Variants in POLB observed in about 807,000 individuals in gnomAD.
POLB encodes the protein DNA polymerase beta.
Under a neutral mutation model 52.7 loss-of-function variants are expected in POLB, and 37 were observed. The ratio of observed to expected loss-of-function variants is 0.70; its 90% confidence interval spans 0.54 to 0.92. POLB has a LOEUF of 0.92. Among genes scored for constraint, POLB ranks in the 40% least tolerant of loss-of-function variants. The pLI is 0.00. For missense variants in POLB, 313 were observed against 400.8 expected (o/e 0.78, Z 1.87); for synonymous variants, 138 against 131.3 (o/e 1.05, Z -0.35).
chr8:42,344,134 CAAAAAAAAA>C (rs34085444), intron 2 of POLB, among the ~76,000 whole-genome samples: 650 of 59,054 alleles, frequency 0.011, 5 homozygotes, highest in Middle Eastern at 0.037. Flanking sequence ...GACTCCGTCT[CAAAAAAAAA>C]AAAAAAAAAA....
chr8:42,365,573 A>AT (rs776920684), intron 11 of POLB, among the ~76,000 whole-genome samples: 10 of 152,204 alleles, frequency 6.6e-5, no homozygotes, highest in Non-Finnish European at 1.5e-4. Flanking sequence ...GTCTGGGCAT[A>AT]TTTTGGGGAC....
In POLB at chr8:42,339,049, C is replaced by G; in HGVS notation, c.99C>G (p.Ile33Met). ...ANFEKNVSQA[I>M]HKYNAYRKAA... The stretch of plus-strand genomic sequence containing the variant: ...TTGAGAAGAACGTGAGCCAAGCTAT[C>G]CACAAGTACAATGCTTACAGGTGGG... Residue 33 changes from isoleucine to methionine, a missense_variant, in exon 2 of 14, where the codon ATC (isoleucine) becomes ATG (methionine). Ile to Met is a conservative substitution (Grantham distance 10). Around this residue, in one of 3 missense-constraint regions of POLB, gnomAD observed 54 missense variants for 63.4 expected, o/e 0.85. Transcript: ENST00000265421. 1 of 1,613,704 alleles carries G rather than the reference C, an allele frequency of 6.2e-7. No homozygotes were observed. Among genetic ancestry groups the G allele is most frequent in the Non-Finnish European group, 8.5e-7 (1 of 1,179,574 alleles).
rs769906597 is a variant in POLB, at chr8:42,338,585, C to T, written c.-40C>T. 6.3e-7 allele frequency: 1 copy of T among 1,593,248 alleles called. No individual in the cohort carries two copies. On this transcript the variant is annotated 5_prime_UTR_variant, in exon 1 of 14. Coordinates refer to ENST00000265421, the MANE Select transcript of POLB (RefSeq NM_002690.3). ...TCAAGCTGGGAGAGGGCTCTAGTCC[C>T]TGGTTCTGAACACTCTGGGGTTCTC...
At chr8:42,363,056 G>A (rs535721497) in intron 11 of POLB, among the ~76,000 whole-genome samples, 26 of 151,584 alleles carry the variant, frequency 1.7e-4, no homozygotes, top group Non-Finnish European at 3.1e-4. Context: ...CCCAGGAGAC[G>A]GAGGTGCGGT....
At chr8:42,349,295 C>G (rs180889115) in intron 4 of POLB, 27 of 434,162 alleles carry the variant, frequency 6.2e-5, no homozygotes, top group African/African-American at 4.7e-4. Context: ...ACTATTAACA[C>G]CCGTAATAGA....
In POLB at chr8:42,349,181, C is replaced by T. The variant is rs561638227; in HGVS notation, c.261+91C>T. ...ATTGCAGGGTGACCAATGTCATTCACTGTAGTGAGACTCACAGGAAATGAG... is the reference window on the plus strand; with the variant it reads ...ATTGCAGGGTGACCAATGTCATTCATTGTAGTGAGACTCACAGGAAATGAG... On this transcript the variant is annotated intron_variant, in intron 4 of 13. Transcript: ENST00000265421. 2.6e-5 allele frequency: 18 copies of T among 693,012 alleles called. No individual in the cohort carries two copies. In the South Asian group the frequency reaches 3.0e-4, roughly 12 times the overall value. The allele number at this position is 693,012 out of a possible 1,614,324, so 42.9% of individuals were successfully genotyped here.
intron 4 of POLB, 66 bp from the exon 5 acceptor site, chr8:42,349,941 C>T: frequency 9.2e-7 from 1 of 1,084,094 alleles, no homozygotes; most frequent in Non-Finnish European, 1.4e-6. Flanking sequence ...TGGTATGTTT[C>T]CAATAAGATC....
intron 3 of POLB, 143 bp from the exon 4 acceptor site, chr8:42,348,873 G>T: frequency 4.0e-6 from 2 of 499,216 alleles, no homozygotes; most frequent in Non-Finnish European, 7.2e-6. Context: ...ATTTTCACTG[G>T]GGTTCAATTT....
intron 9 of POLB, among the ~76,000 whole-genome samples, chr8:42,359,181 C>T (rs185272314): frequency 2.6e-4 from 40 of 152,224 alleles, no homozygotes; most frequent in Admixed American, 2.4e-3. Context: ...CCTATGGATT[C>T]TTGTAACGTT....
At chr8:42,350,995 C>T (rs1822947305) in intron 5 of POLB, among the ~76,000 whole-genome samples, 1 of 151,938 alleles carries the variant, frequency 6.6e-6, no homozygotes, top group Non-Finnish European at 1.5e-5. Flanking sequence ...CTTAGTACTC[C>T]TTTTGAGTAG....
At chr8:42,368,786 T>C (rs979724165) in intron 11 of POLB, 6 of 152,222 alleles carry the variant, frequency 3.9e-5, no homozygotes, top group African/African-American at 1.4e-4. Flanking sequence ...CTACCTATCA[T>C]TTTAAATTTT....
chr8:42,342,343 G>A, intron 2 of POLB: 1 of 1,509,662 alleles, frequency 6.6e-7, no homozygotes, highest in Non-Finnish European at 9.1e-7. Flanking sequence ...AGTACAATAT[G>A]TTGCAGCATA....
In POLB at chr8:42,346,549, TA is replaced by T. The variant is rs576364073; in HGVS notation, c.186+1531del. ...ACAGGCATGCTCCATCACACTCAGA[TA>T]TTTTTTTTTTAATTTATTTCTTTTG... On this transcript the variant is annotated intron_variant, in intron 3 of 13. Transcript: ENST00000265421. Among the ~76,000 whole-genome samples, 110 of 151,652 alleles carry T rather than the reference TA, an allele frequency of 7.3e-4. No individual in the cohort carries two copies. In the South Asian group the frequency reaches 0.011, roughly 15 times the overall value.
chr8:42,367,056 T>C (rs770800736), intron 11 of POLB, among the ~76,000 whole-genome samples: 16 of 152,082 alleles, frequency 1.1e-4, no homozygotes, highest in Non-Finnish European at 1.2e-4. Flanking sequence ...GATGGTGCCA[T>C]GAAAGGAGAA....
intron 2 of POLB, among the ~76,000 whole-genome samples, chr8:42,343,196 C>T (rs1391001181): frequency 6.6e-6 from 1 of 151,024 alleles, no homozygotes; most frequent in African/African-American, 2.4e-5. Context: ...GTGGCGGGTG[C>T]CTGTAGTCCC....
chr8:42,371,079 C>T (rs1316196269), intron 13 of POLB, among the ~76,000 whole-genome samples: 3 of 152,142 alleles, frequency 2.0e-5, no homozygotes, highest in Non-Finnish European at 4.4e-5. Flanking sequence ...TGATGACTCA[C>T]GAGATGAAGC....
At chr8:42,351,326 G>A (rs1563396490) in intron 5 of POLB, among the ~76,000 whole-genome samples, 1 of 152,114 alleles carries the variant, frequency 6.6e-6, no homozygotes. Context: ...CCTAACATCA[G>A]TATCAGTTTC....
In POLB at chr8:42,367,585, C is replaced by CTT. The variant is rs113956828; in HGVS notation, c.709-1680_709-1679dup. ...ATAAACCATTCTCATTCCATATCCC[C>CTT]TTTTTTTGCAAAACCTCTTCTTGCT... On this transcript the variant is annotated intron_variant, in intron 11 of 13. Transcript: ENST00000265421. Among the ~76,000 whole-genome samples the CTT allele has an allele frequency of 1.2e-4, 18 of 152,196 alleles. 2 individuals are homozygous for CTT. Among genetic ancestry groups the CTT allele is most frequent in the African/African-American group, 4.3e-4 (18 of 41,528 alleles).
chr8:42,369,600 T>G (rs1349055478), intron 12 of POLB: 5 of 524,122 alleles, frequency 9.5e-6, no homozygotes, highest in Non-Finnish European at 1.7e-5. Flanking sequence ...CTGGGCTAAG[T>G]TAGTTGTAAT....
Sources: allele counts gnomAD v4.1 joint callset (sites outside exome capture counted in the v4.1 genomes callset), GRCh38; gene constraint gnomAD v4.1.1; regional missense constraint gnomAD v4.1.1; transcripts MANE v1.5; gene names NCBI Gene and HGNC (gene_info 2026-07-23, HGNC 2026-07-21).